Variants in CEP295NL observed in about 807,000 individuals in gnomAD.
The protein encoded by CEP295NL is protein DDC8 homolog.
CEP295NL carries 3 observed loss-of-function variants against 4.6 expected under a neutral mutation model. That is an observed-to-expected ratio of 0.65 (90% CI 0.30 to 1.69). The LOEUF is 1.69. Among genes scored for constraint, CEP295NL ranks in the 40% most tolerant of loss-of-function variants. The pLI is 0.10. For missense variants in CEP295NL, 719 were observed against 769.0 expected, an observed-to-expected ratio of 0.93 and a Z score of 0.77; for synonymous variants, 295 against 312.2, an observed-to-expected ratio of 0.94 and a Z score of 0.58.
At position 78,892,322 on chromosome 17, in the gene CEP295NL, C is replaced by A; in HGVS notation, c.182G>T (p.Gly61Val). 2 of 1,550,658 alleles carry A rather than the reference C, an allele frequency of 1.3e-6. No individual in the cohort carries two copies. Among genetic ancestry groups the A allele is most frequent in the Non-Finnish European group, 1.7e-6 (2 of 1,147,010 alleles). ...AGGACAGAGGCTCAGCCACATGGCT[C>A]CATCCATGTTTCTGTTCCTGTCTGC... Reference protein sequence around the residue: ...GFADRNRNMDGAMWLSLCPDN... With the variant: ...GFADRNRNMDVAMWLSLCPDN... The change falls in exon 3 of 3, where the codon GGA becomes GTA. Residue 61 changes from glycine (G) to valine (V), a missense_variant. Transcript: ENST00000322630.
chr17:78,891,306 T>A lies in CEP295NL; in HGVS notation c.1198A>T (p.Met400Leu). 6.4e-7 allele frequency: 1 copy of A among 1,550,528 alleles called. No individual in the cohort carries two copies. The highest frequency in any genetic ancestry group is 8.7e-7 in the Non-Finnish European group (1 of 1,146,974). ...PRGKKMADPE[M>L]LPAGEPRSPA... Reference sequence around the variant, plus strand: ...CTCCTGGGTTCCCCGGCAGGCAGCATCTCTGGGTCTGCCATTTTCTTCCCT... The same window carrying A: ...CTCCTGGGTTCCCCGGCAGGCAGCAACTCTGGGTCTGCCATTTTCTTCCCT... The change falls in exon 3 of 3, where the codon ATG becomes TTG. Residue 400 changes from methionine to leucine, a missense_variant. Met to Leu is a conservative substitution (Grantham distance 15). Transcript: ENST00000322630. This position sits in a 1 kb window ranked among gnomAD's most constrained non-coding sequence, Gnocchi z 4.5.
rs118008289 is a variant in CEP295NL, at chr17:78,901,253, G to C, written c.44+532C>G. Reference sequence around the variant, plus strand: ...GATGGTCAACAGCTACGAAGTGCCTGTGCTCTAGAAATGGCCAATTTGATC... The same window carrying C: ...GATGGTCAACAGCTACGAAGTGCCTCTGCTCTAGAAATGGCCAATTTGATC... On this transcript the variant is annotated intron_variant, in intron 2 of 2. Coordinates refer to ENST00000322630, the MANE Select transcript of CEP295NL (RefSeq NM_001243540.2). 2.2e-3 allele frequency: 349 copies of C among 156,154 alleles called. 9 individuals are homozygous for C. The East Asian group carries it at 0.056, about 25-fold the overall frequency. 9.7% of individuals were successfully genotyped at this position (156,154 alleles called of 1,614,324 possible).
In CEP295NL at chr17:78,901,941, A is replaced by T; in HGVS notation, c.-98-15T>A. 1 of 604,038 alleles carries T rather than the reference A, an allele frequency of 1.7e-6. No individual in the cohort carries two copies. The highest frequency in any genetic ancestry group is 3.0e-6 in the Non-Finnish European group (1 of 329,044). The allele number at this position is 604,038 out of a possible 1,614,324, so 37.4% of individuals were successfully genotyped here. A position where few individuals can be genotyped will look rare whatever the true frequency, so the allele number is the denominator to read the frequency against. ...GACGCCCATCACTGGAGGCATCCGA[A>T]CCAAGCCCAGATAAAACAAACATCA... On this transcript the variant is annotated splice_polypyrimidine_tract_variant and intron_variant, in intron 1 of 2. Coordinates refer to ENST00000322630, the MANE Select transcript of CEP295NL (RefSeq NM_001243540.2).
At chr17:78,897,712 TCTC>T (rs2070025567) in intron 2 of CEP295NL, 3 of 152,192 alleles carry the variant, frequency 2.0e-5, no homozygotes, top group East Asian at 1.9e-4. Flanking sequence ...AGAGTGCCTC[TCTC>T]CTCCTCAAGG....
intron 1 of CEP295NL, chr17:78,902,808 C>T (rs943337562): frequency 1.1e-4 from 17 of 152,380 alleles, no homozygotes; most frequent in African/African-American, 4.1e-4. Flanking sequence ...CAGCCTAGGT[C>T]AGGGGTCCCC....
In CEP295NL at chr17:78,891,600, C is replaced by A; in HGVS notation, c.904G>T (p.Glu302Ter). The change falls in exon 3 of 3, where the codon GAG (glutamate) becomes TAG (stop). Residue 302 changes from glutamate (E) to a stop codon, truncating the protein, a stop_gained. Transcript: ENST00000322630. LOFTEE classifies it low-confidence loss of function (END_TRUNC). This position sits in a 1 kb window ranked among gnomAD's most constrained non-coding sequence, Gnocchi z 4.5. The stretch of plus-strand genomic sequence containing the variant: ...TGCCCGAGGTCTCTCAGCTTCCCCT[C>A]CAGACTCTGTCCCTGAGAGCGACTG... The part of the protein sequence containing the change: ...LTSRSQGQSL[E>*]GKLRDLGQLW... The A allele has an allele frequency of 6.4e-7, 1 of 1,550,886 alleles. No homozygotes were observed. Among genetic ancestry groups the A allele is most frequent in the South Asian group, 1.2e-5 (1 of 84,070 alleles).
Position 78,890,711 on chromosome 17 carries a change from T to C in CEP295NL, c.1793A>G (p.Gln598Arg). The C allele has an allele frequency of 6.4e-7, 1 of 1,550,650 alleles. No homozygotes were observed. Among genetic ancestry groups the C allele is most frequent in the Non-Finnish European group, 8.7e-7 (1 of 1,147,004 alleles). The change falls in exon 3 of 3, where the codon CAG (glutamine) becomes CGG (arginine). Residue 598 changes from glutamine (Q) to arginine (R), a missense_variant. Gln to Arg is a conservative substitution (Grantham distance 43). Coordinates refer to ENST00000322630, the MANE Select transcript of CEP295NL (RefSeq NM_001243540.2). ...AAACTGCTTGTGCAACCTGTTTTGCTGTAAGATCTGCTGCTGCTGGTCTCG... is the reference window on the plus strand; with the variant it reads ...AAACTGCTTGTGCAACCTGTTTTGCCGTAAGATCTGCTGCTGCTGGTCTCG... ...MIRDQQQQIL[Q>R]QNRLHKQFLE...
chr17:78,891,894 G>T lies in CEP295NL; in HGVS notation c.610C>A (p.Pro204Thr). The change falls in exon 3 of 3, where the codon CCA becomes ACA. Residue 204 changes from proline (P) to threonine (T), a missense_variant. Physicochemically the swap from Pro to Thr is conservative, Grantham distance 38 (BLOSUM62 -1). Coordinates refer to ENST00000322630, the MANE Select transcript of CEP295NL (RefSeq NM_001243540.2). This position sits in a 1 kb window ranked among gnomAD's most constrained non-coding sequence, Gnocchi z 4.5. The part of the protein sequence containing the change: ...PRKTAASPEK[P>T]QTTKATGRMN... ...CGACCCGTGGCTTTTGTAGTCTGTGGTTTCTCTGGACTCGCTGCTGTCTTC... is the reference window on the plus strand; with the variant it reads ...CGACCCGTGGCTTTTGTAGTCTGTGTTTTCTCTGGACTCGCTGCTGTCTTC... The T allele has an allele frequency of 6.4e-7, 1 of 1,550,620 alleles. No homozygotes were observed. The highest frequency in any genetic ancestry group is 8.7e-7 in the Non-Finnish European group (1 of 1,147,004).
rs1265848021 is a variant in CEP295NL, at chr17:78,891,852, C to A, written c.652G>T (p.Ala218Ser). ...KATGRMNSHL[A>S]PPEKRKGRPE... is the part of the protein sequence containing the mutation. Reference sequence around the variant, plus strand: ...CTTCCCTTTCTCTTCTCAGGCGGGGCCAGGTGAGAATTCATCCGACCCGTG... The same window carrying A: ...CTTCCCTTTCTCTTCTCAGGCGGGGACAGGTGAGAATTCATCCGACCCGTG... Residue 218 changes from alanine to serine, a missense_variant, in exon 3 of 3, where the codon GCC becomes TCC. By Grantham distance (99) the Ala-to-Ser change is moderately conservative (BLOSUM62 1). Transcript: ENST00000322630. This position sits in a 1 kb window ranked among gnomAD's most constrained non-coding sequence, Gnocchi z 4.5. 6.4e-7 allele frequency: 1 copy of A among 1,550,718 alleles called. No homozygotes were observed. The highest frequency in any genetic ancestry group is 8.7e-7 in the Non-Finnish European group (1 of 1,147,008).
chr17:78,893,800 CTT>C (rs2069956633), intron 2 of CEP295NL, among the ~76,000 whole-genome samples: 1 of 152,072 alleles, frequency 6.6e-6, no homozygotes, highest in Admixed American at 6.5e-5. Flanking sequence ...TTCCAGGTCT[CTT>C]TGGCATCAGG....
At position 78,892,016 on chromosome 17, in the gene CEP295NL, G is replaced by T. The variant is rs959354980; in HGVS notation, c.488C>A (p.Pro163His). The T allele has an allele frequency of 1.9e-6, 3 of 1,550,546 alleles. No homozygotes were observed. The African/African-American group carries it at 4.1e-5, about 21-fold the overall frequency. ...TCTATGCTTCTCCTTGGCCCTCGGG[G>T]GCCTGGCTGATCTTCGCTGGATGGG... Reference protein sequence around the residue: ...QGPIQRRSARPPRAKEKHRAA... With the variant: ...QGPIQRRSARHPRAKEKHRAA... Residue 163 changes from proline to histidine, a missense_variant, in exon 3 of 3, where the codon CCC becomes CAC. Coordinates refer to ENST00000322630, the MANE Select transcript of CEP295NL (RefSeq NM_001243540.2).
intron 2 of CEP295NL, among the ~76,000 whole-genome samples, chr17:78,900,600 G>A (rs888899526): frequency 6.6e-6 from 1 of 152,016 alleles, no homozygotes; most frequent in African/African-American, 2.4e-5. Context: ...AGGTGGTGGT[G>A]GGCTCTTCCA....
Position 78,896,137 on chromosome 17 carries a change from T to G in CEP295NL, c.45-3678A>C, listed in dbSNP as rs904864000. Among the ~76,000 whole-genome samples, 1 of 152,222 alleles carries G rather than the reference T, an allele frequency of 6.6e-6. No homozygotes were observed. The highest frequency in any genetic ancestry group is 2.4e-5 in the African/African-American group (1 of 41,458). ...CGATCCCCGCTCTGACACCATCAGA[T>G]GCAACCTCGTCCCCGCTACCCCAGC... On this transcript the variant is annotated intron_variant, in intron 2 of 2. Transcript: ENST00000322630. The surrounding 1 kb of genome is among the most constrained non-coding windows in gnomAD (Gnocchi z 4.4).
At chr17:78,893,395 A>G (rs796581578) in intron 2 of CEP295NL, among the ~76,000 whole-genome samples, 94 of 30,804 alleles carry the variant, frequency 3.1e-3, no homozygotes, top group Middle Eastern at 0.021. Flanking sequence ...AGGGGTGTGT[A>G]TGCAGGGGTG....
intron 2 of CEP295NL, chr17:78,898,287 C>A: frequency 6.6e-6 from 1 of 152,374 alleles, no homozygotes; most frequent in Non-Finnish European, 1.5e-5. Flanking sequence ...AAGTAACTTG[C>A]CTAAGGCCAC....
chr17:78,891,620 C>T lies in CEP295NL; in HGVS notation c.884G>A (p.Arg295His), dbSNP rs564784149. 5.8e-6 allele frequency: 9 copies of T among 1,550,808 alleles called. No individual in the cohort carries two copies. The highest frequency in any genetic ancestry group is 2.4e-5 in the East Asian group (1 of 40,934). ...CCCCTCCAGACTCTGTCCCTGAGAG[C>T]GACTGGTCAGGGCTGGAACAAAGCA... is the stretch of plus-strand genomic sequence containing the variant. ...AVCFVPALTS[R>H]SQGQSLEGKL... is the part of the protein sequence containing the mutation. The change falls in exon 3 of 3, where the codon CGC becomes CAC. Residue 295 changes from arginine to histidine, a missense_variant. Physicochemically the swap from Arg to His is conservative, Grantham distance 29. Transcript: ENST00000322630. The surrounding 1 kb of genome is among the most constrained non-coding windows in gnomAD (Gnocchi z 4.5).
In CEP295NL at chr17:78,891,969, TC is replaced by T. The variant is rs1352649852; in HGVS notation, c.534del (p.Ser179ValfsTer35). 2 of 1,550,604 alleles carry T rather than the reference TC, an allele frequency of 1.3e-6. No homozygotes were observed. Among genetic ancestry groups the T allele is most frequent in the Non-Finnish European group, 1.7e-6 (2 of 1,146,996 alleles). The stretch of plus-strand genomic sequence containing the variant: ...TGCTGGCCCAACTCTTCCCTGCAAC[TC>T]CTCTCTTCACTAAGGGCTGCTCTAT... ...EKHRAALSEE[R>X]SCREELGQQH... On this transcript the variant is annotated frameshift_variant, in exon 3 of 3. Transcript: ENST00000322630. LOFTEE classifies it low-confidence loss of function (END_TRUNC). This position sits in a 1 kb window ranked among gnomAD's most constrained non-coding sequence, Gnocchi z 4.5.
At chr17:78,894,997 A>G (rs2069975803) in intron 2 of CEP295NL, among the ~76,000 whole-genome samples, 1 of 152,256 alleles carries the variant, frequency 6.6e-6, no homozygotes, top group East Asian at 1.9e-4. Flanking sequence ...TCAGCAAAAG[A>G]AGGACAGGTG....
Position 78,891,784 on chromosome 17 carries a change from G to A in CEP295NL, c.720C>T (p.Ile240=). Residue 240 remains isoleucine, a synonymous_variant, in exon 3 of 3, where the codon ATC becomes ATT. Coordinates refer to ENST00000322630, the MANE Select transcript of CEP295NL (RefSeq NM_001243540.2). This position sits in a 1 kb window ranked among gnomAD's most constrained non-coding sequence, Gnocchi z 4.5. ...STKSGGGRCA[I]HPRRSKGADL... is the part of the protein sequence containing the mutation. ...CCGCCCCTTTGCTCCTCCGAGGATGGATGGCACAGCGGCCACCCCCAGACT... is the reference window on the plus strand; with the variant it reads ...CCGCCCCTTTGCTCCTCCGAGGATGAATGGCACAGCGGCCACCCCCAGACT... 1 of 1,551,152 alleles carries A rather than the reference G, an allele frequency of 6.4e-7. No homozygotes were observed. Among genetic ancestry groups the A allele is most frequent in the Non-Finnish European group, 8.7e-7 (1 of 1,147,114 alleles).
Sources: gnomAD v4.1 joint callset for allele counts (sites outside exome capture counted in the v4.1 genomes callset) on GRCh38, gnomAD v4.1.1 for gene constraint, Gnocchi (gnomAD v3.1) non-coding constraint, MANE v1.5 for transcripts, NCBI Gene and HGNC (gene_info 2026-07-23, HGNC 2026-07-21) for gene names.